Variants in SCAMP1 observed in about 807,000 individuals in gnomAD.
SCAMP1 encodes the protein secretory carrier membrane protein 1.
In SCAMP1, 15 loss-of-function variants were observed where a neutral mutation model predicts 41.8. The observed-to-expected ratio is 0.36, with a 90% CI of 0.24 to 0.55. The LOEUF (loss-of-function observed/expected upper bound fraction) is 0.55. Ranked by LOEUF, SCAMP1 falls within the 20% of genes least tolerant of loss-of-function variation. SCAMP1 has a pLI of 0.86. For missense variants in SCAMP1, 341 were observed against 412.6 expected (o/e 0.83, Z 1.50); for synonymous variants, 135 against 136.8 (o/e 0.99, Z 0.09).
At chr5:78,412,856 T>A (rs1752114501) in intron 2 of SCAMP1, among the ~76,000 whole-genome samples, 1 of 152,222 alleles carries the variant, frequency 6.6e-6, no homozygotes, top group African/African-American at 2.4e-5. Context: ...TTACTTTTTG[T>A]AAATTTCAGT....
At chr5:78,440,762 A>C (rs1752900288) in intron 6 of SCAMP1, among the ~76,000 whole-genome samples, 1 of 152,232 alleles carries the variant, frequency 6.6e-6, no homozygotes, top group Non-Finnish European at 1.5e-5. Context: ...TGAAGTCTGC[A>C]GAAGTTTCTG....
intron 1 of SCAMP1, 159 bp downstream of exon 1, chr5:78,360,887 C>A: frequency 1.5e-6 from 1 of 679,626 alleles, no homozygotes; most frequent in South Asian, 1.8e-5. Flanking sequence ...GCGCCCCGGC[C>A]CCGTGTCACT....
At chr5:78,405,631 A>C (rs1371644719) in intron 2 of SCAMP1, among the ~76,000 whole-genome samples, 2 of 152,072 alleles carry the variant, frequency 1.3e-5, no homozygotes, top group African/African-American at 4.8e-5. Context: ...TGTATTGTTT[A>C]TCTTCTGTTG....
intron 6 of SCAMP1, among the ~76,000 whole-genome samples, chr5:78,449,475 A>G (rs1753161925): frequency 6.6e-6 from 1 of 152,224 alleles, no homozygotes; most frequent in African/African-American, 2.4e-5. Context: ...AACAGTGGGT[A>G]GGGTGGGGCT....
chr5:78,375,991 C>A (rs1751054754), intron 1 of SCAMP1, among the ~76,000 whole-genome samples: 1 of 152,146 alleles, frequency 6.6e-6, no homozygotes, highest in Admixed American at 6.5e-5. Flanking sequence ...AATCTTATTT[C>A]AACACCTAAT....
intron 1 of SCAMP1, 126 bp downstream of exon 1, chr5:78,360,854 G>T: frequency 1.1e-6 from 1 of 928,828 alleles, no homozygotes; most frequent in Non-Finnish European, 1.6e-6. Context: ...GGGGCGCGGG[G>T]CCGCCGTCCT....
rs1421331340 is a variant in SCAMP1, at chr5:78,388,436, A to G, written c.58-401A>G. Among the ~76,000 whole-genome samples, 5 of 152,356 alleles carry G rather than the reference A, an allele frequency of 3.3e-5. No individual in the cohort carries two copies. The East Asian group carries it at 7.7e-4, about 23-fold the overall frequency. On this transcript the variant is annotated intron_variant, in intron 1 of 8. Transcript: ENST00000621999. The stretch of plus-strand genomic sequence containing the variant: ...GTATGACATTGATTTGTAATGCAGT[A>G]TGAAATCTTCAGTGGGACAAACTGA...
At chr5:78,413,702 GCCTCTGCAC>G (rs1752139406) in intron 2 of SCAMP1, among the ~76,000 whole-genome samples, 1 of 152,192 alleles carries the variant, frequency 6.6e-6, no homozygotes, top group South Asian at 2.1e-4. Flanking sequence ...ACAAGTGTGA[GCCTCTGCAC>G]CCAGCCGGTT....
At chr5:78,382,172 T>C (rs1751219547) in intron 1 of SCAMP1, among the ~76,000 whole-genome samples, 1 of 152,156 alleles carries the variant, frequency 6.6e-6, no homozygotes, top group Non-Finnish European at 1.5e-5. Flanking sequence ...GGTGCAACAC[T>C]CTGTGTCTTA....
chr5:78,403,187 T>C (rs1751842296), intron 2 of SCAMP1, among the ~76,000 whole-genome samples: 1 of 152,200 alleles, frequency 6.6e-6, no homozygotes, highest in South Asian at 2.1e-4. Flanking sequence ...GTGAGTTTAA[T>C]AGAACATTTT....
rs1276933313 is a variant in SCAMP1 at position 78,460,803 on chromosome 5, TC to T, written c.852+1443del. 5.5e-3 allele frequency among the ~76,000 whole-genome samples: 253 copies of T among 45,786 alleles called. 38 individuals are homozygous for T. Among genetic ancestry groups the T allele is most frequent in the African/African-American group, 0.02 (242 of 12,182 alleles). 30.0% of individuals were successfully genotyped at this position (45,786 alleles called of 152,430 possible). ...TTCCTTCCTTCCTTCCTTCCTTCCT[TC>T]CTCCCTTCCTTCCTTCCTTTCTTGT... On this transcript the variant is annotated intron_variant, in intron 8 of 8. Coordinates refer to ENST00000621999, the MANE Select transcript of SCAMP1 (RefSeq NM_004866.6).
chr5:78,450,650 T>G (rs1753202826), intron 7 of SCAMP1, among the ~76,000 whole-genome samples: 1 of 152,154 alleles, frequency 6.6e-6, no homozygotes, highest in Non-Finnish European at 1.5e-5. Context: ...AGTGAAATGG[T>G]GGGTGGAAGA....
intron 7 of SCAMP1, among the ~76,000 whole-genome samples, chr5:78,455,070 CTCT>C (rs1753351599): frequency 6.6e-6 from 1 of 151,276 alleles, no homozygotes; most frequent in African/African-American, 2.4e-5. Flanking sequence ...TGATTCTTCT[CTCT>C]TTTTTTCTTT....
At chr5:78,392,249 C>G (rs1751537728) in intron 2 of SCAMP1, among the ~76,000 whole-genome samples, 1 of 152,140 alleles carries the variant, frequency 6.6e-6, no homozygotes, top group Non-Finnish European at 1.5e-5. Context: ...CCTGTATTAT[C>G]TTATTGAATT....
At chr5:78,415,115 G>A (rs973039423) in intron 2 of SCAMP1, among the ~76,000 whole-genome samples, 8 of 151,782 alleles carry the variant, frequency 5.3e-5, no homozygotes, top group Non-Finnish European at 8.8e-5. Context: ...CACCACACCC[G>A]GCTAATTTTT....
chr5:78,459,079 A>G (rs1302656477), intron 7 of SCAMP1, among the ~76,000 whole-genome samples, 166 bp from the exon 8 acceptor site: 6 of 152,218 alleles, frequency 3.9e-5, no homozygotes, highest in African/African-American at 1.4e-4. Context: ...GGGATTTAAA[A>G]CAGCATCTAT....
At chr5:78,362,116 A>G (rs367581732) in intron 1 of SCAMP1, among the ~76,000 whole-genome samples, 6 of 151,876 alleles carry the variant, frequency 4.0e-5, no homozygotes, top group African/African-American at 4.8e-5. Flanking sequence ...TTTTGTTTCA[A>G]TTAGTATTGG....
chr5:78,406,412 G>T (rs1382836388), intron 2 of SCAMP1, among the ~76,000 whole-genome samples: 1 of 152,154 alleles, frequency 6.6e-6, no homozygotes, highest in African/African-American at 2.4e-5. Context: ...GAGAAAGCAA[G>T]AAGAAATTTC....
At chr5:78,473,381 A>G (rs1329140710) in intron 8 of SCAMP1, among the ~76,000 whole-genome samples, 2 of 152,150 alleles carry the variant, frequency 1.3e-5, no homozygotes, top group African/African-American at 4.8e-5. Context: ...TCTTGGCATC[A>G]GTGAGAAGTA....
Sources: gnomAD v4.1 joint callset for allele counts (sites outside exome capture counted in the v4.1 genomes callset) on GRCh38, gnomAD v4.1.1 for gene constraint, MANE v1.5 for transcripts, NCBI Gene and HGNC (gene_info 2026-07-23, HGNC 2026-07-21) for gene names.